GPM6B: variants seen among roughly 807,000 people sequenced by gnomAD.
GPM6B encodes glycoprotein M6B.
GPM6B carries 4 observed loss-of-function variants against 27.2 expected under a neutral mutation model. That is an observed-to-expected ratio of 0.15 (90% CI 0.07 to 0.34). The LOEUF (loss-of-function observed/expected upper bound fraction) is 0.34. Ranked by LOEUF, GPM6B falls within the 10% of genes least tolerant of loss-of-function variation. The pLI is 1.00. For missense variants in GPM6B, 183 were observed against 261.9 expected (o/e 0.70, Z 2.08); for synonymous variants, 124 against 103.1 (o/e 1.20, Z -1.23).
At chrX:13,784,283 T>C (rs892581457) in intron 3 of GPM6B, among the ~76,000 whole-genome samples, 1 of 112,332 alleles carries the variant, frequency 8.9e-6, no homozygotes, top group African/African-American at 3.2e-5. Flanking sequence ...TCTCAGAAGT[T>C]TGAGAGCCAC....
intron 7 of GPM6B, chrX:13,774,518 T>C (rs1338095121): frequency 7.5e-6 from 9 of 1,202,912 alleles, no homozygotes; most frequent in Non-Finnish European, 1.0e-5. Context: ...CTACAGAGCA[T>C]AGCTCTCTAA....
chrX:13,876,919 C>T (rs1028564092), intron 1 of GPM6B, among the ~76,000 whole-genome samples: 5 of 111,219 alleles, frequency 4.5e-5, no homozygotes, highest in Non-Finnish European at 7.6e-5. Context: ...GGAACACCAT[C>T]TCAACTCCCG....
At chrX:13,931,026 T>C (rs1921487402) in intron 1 of GPM6B, among the ~76,000 whole-genome samples, 1 of 110,226 alleles carries the variant, frequency 9.1e-6, no homozygotes, top group Admixed American at 9.7e-5. Flanking sequence ...CTACTAAAAA[T>C]ACAAAAAATT....
intron 7 of GPM6B, 95 bp from the exon 8 acceptor site, chrX:13,773,125 G>T: frequency 1.3e-6 from 1 of 745,072 alleles, no homozygotes. Context: ...TTAAAGGGGC[G>T]AAGGTTAATT....
At chrX:13,877,824 C>CCA (rs1555925604) in intron 1 of GPM6B, among the ~76,000 whole-genome samples, 1 of 27,466 alleles carries the variant, frequency 3.6e-5, no homozygotes, top group Admixed American at 8.1e-4. Context: ...CAGACTCTGC[C>CCA]AAAAAAAAAA....
At chrX:13,856,381 C>CCAG (rs1371205167) in intron 1 of GPM6B, among the ~76,000 whole-genome samples, 1 of 111,569 alleles carries the variant, frequency 9.0e-6, no homozygotes, top group Non-Finnish European at 1.9e-5. Context: ...TGGGCTACAA[C>CCAG]CAGCAGCAGC....
chrX:13,902,754 T>G (rs1401717156), intron 1 of GPM6B, among the ~76,000 whole-genome samples: 1 of 111,651 alleles, frequency 9.0e-6, no homozygotes, highest in Non-Finnish European at 1.9e-5. Flanking sequence ...TCTCTCTTTA[T>G]TCCCACCACC....
chrX:13,918,169 G>A (rs1011747278), intron 1 of GPM6B, among the ~76,000 whole-genome samples: 3 of 112,852 alleles, frequency 2.7e-5, no homozygotes, highest in African/African-American at 9.6e-5. Context: ...CCGCCCACCA[G>A]ACTGTGGGCT....
At chrX:13,808,039 A>G (rs2049055611) in intron 1 of GPM6B, among the ~76,000 whole-genome samples, 2 of 112,199 alleles carry the variant, frequency 1.8e-5, no homozygotes, top group Admixed American at 1.9e-4. Context: ...CATTTGGGGA[A>G]GATACTATTT....
chrX:13,815,889 C>T (rs776765414), intron 1 of GPM6B, among the ~76,000 whole-genome samples: 4 of 111,766 alleles, frequency 3.6e-5, no homozygotes, highest in South Asian at 7.5e-4. Flanking sequence ...TATCAGTGGA[C>T]GCAAGGGCTG....
intron 1 of GPM6B, among the ~76,000 whole-genome samples, chrX:13,861,075 T>TACATATACAC (rs1318958164): frequency 9.3e-6 from 1 of 107,167 alleles, no homozygotes; most frequent in Non-Finnish European, 1.9e-5. Flanking sequence ...TACATATATA[T>TACATATACAC]ACATATACAC....
intron 7 of GPM6B, among the ~76,000 whole-genome samples, chrX:13,775,828 G>A (rs1046596810): frequency 8.9e-6 from 1 of 112,171 alleles, no homozygotes; most frequent in Non-Finnish European, 1.9e-5. Flanking sequence ...CAGCTACCCT[G>A]TATGAGTGAC....
At chrX:13,938,484 G>A (rs1297346961), upstream of GPM6B, 1 of 939,018 alleles carries the variant, frequency 1.1e-6, no homozygotes, top group African/African-American at 2.0e-5. Flanking sequence ...TGGCCGTGGC[G>A]CGCAGCCAGC....
At chrX:13,909,322 C>T (rs1366080845) in intron 1 of GPM6B, among the ~76,000 whole-genome samples, 2 of 109,896 alleles carry the variant, frequency 1.8e-5, no homozygotes, top group Non-Finnish European at 3.8e-5. Flanking sequence ...GAGGGCTTCA[C>T]CATGTTGGCA....
chrX:13,862,361 A>C (rs1042046304), intron 1 of GPM6B, among the ~76,000 whole-genome samples: 1 of 111,542 alleles, frequency 9.0e-6, no homozygotes, highest in African/African-American at 3.3e-5. Context: ...CACGTGCCTG[A>C]GTTTGTGAGA....
chrX:13,773,852 A>AGG (rs1000933936), intron 7 of GPM6B: 1 of 323,627 alleles, frequency 3.1e-6, no homozygotes, highest in African/African-American at 3.0e-5. Flanking sequence ...GGAAACAGTT[A>AGG]GTTATTACTT....
chrX:13,904,003 G>A (rs1411695505), intron 1 of GPM6B, among the ~76,000 whole-genome samples: 6 of 111,160 alleles, frequency 5.4e-5, no homozygotes, highest in African/African-American at 2.0e-4. Flanking sequence ...CAGTTAGACA[G>A]GGCTTCTTAG....
At chrX:13,863,553 G>C (rs952520193) in intron 1 of GPM6B, among the ~76,000 whole-genome samples, 1 of 111,891 alleles carries the variant, frequency 8.9e-6, no homozygotes, top group Admixed American at 9.5e-5. Context: ...AGTGGCAATT[G>C]TGTGACCTTT....
Position 13,913,379 on chromosome X carries a change from C to T in GPM6B, c.-198+24948G>A, listed in dbSNP as rs762696205. On this transcript the variant is annotated intron_variant, in intron 1 of 6. Coordinates refer to the GPM6B transcript ENST00000398361. Reference sequence around the variant, plus strand: ...CATCTTGCCCAGGCTGGTCGAACTCCTGGGCTCAAGCAATCTGCCCACCTC... The same window carrying T: ...CATCTTGCCCAGGCTGGTCGAACTCTTGGGCTCAAGCAATCTGCCCACCTC... Among the ~76,000 whole-genome samples the T allele has an allele frequency of 1.5e-4, 17 of 110,146 alleles. No individual in the cohort carries two copies. In the South Asian group the frequency reaches 6.7e-3, roughly 44 times the overall value.
Sources: allele counts gnomAD v4.1 joint callset (sites outside exome capture counted in the v4.1 genomes callset), GRCh38; gene constraint gnomAD v4.1.1; transcripts MANE v1.5; gene names NCBI Gene and HGNC (gene_info 2026-07-23, HGNC 2026-07-21).